Variants in PRTG observed in about 807,000 individuals in gnomAD.
The protein encoded by PRTG is immunoglobulin superfamily, DCC subclass, member 5.
Under a neutral mutation model 122.5 loss-of-function variants are expected in PRTG, and 67 were observed. The observed-to-expected ratio is 0.55, with a 90% confidence interval of 0.45 to 0.67. The LOEUF is 0.67. Ranked by LOEUF, PRTG falls within the 30% of genes least tolerant of loss-of-function variation. The pLI is 0.00. For missense variants in PRTG, 1,435 were observed against 1,415.4 expected (o/e 1.01, Z -0.22); for synonymous variants, 554 against 501.1 (o/e 1.11, Z -1.41).
chr15:55,648,812 G>A (rs1471442788), intron 11 of PRTG, among the ~76,000 whole-genome samples: 1 of 152,072 alleles, frequency 6.6e-6, no homozygotes, highest in Non-Finnish European at 1.5e-5. Flanking sequence ...AAAAACCTCT[G>A]TATTGGCCGG....
At chr15:55,702,568 T>A (rs1478808589) in intron 2 of PRTG, among the ~76,000 whole-genome samples, 1 of 152,180 alleles carries the variant, frequency 6.6e-6, no homozygotes, top group African/African-American at 2.4e-5. Context: ...ATGCTGAAAC[T>A]AAGTTTAAAT....
Position 55,620,739 on chromosome 15 carries a change from T to C in PRTG, c.3122A>G (p.Tyr1041Cys), listed in dbSNP as rs202148948. ...AGAGTTGTTTTTAATTATAGGACCA[T>C]AGCTATTAATTATCAGGTCAGTTCC... ...KGGTDLIINS[Y>C]GPIIKNNSKK... Residue 1041 changes from tyrosine (Y) to cysteine (C), a missense_variant, in exon 19 of 20, where the codon TAT becomes TGT. Transcript: ENST00000389286. 5.6e-6 allele frequency: 9 copies of C among 1,596,344 alleles called. No individual in the cohort carries two copies. The highest frequency in any genetic ancestry group is 3.5e-5 in the South Asian group (3 of 86,628).
chr15:55,619,801 G>T lies in PRTG; in HGVS notation c.*211C>A. ...TATTAAGATTTTCACAAAAGGCTTT[G>T]GTTCCCTGTTCATTGTCCTTCGAAC... On this transcript the variant is annotated 3_prime_UTR_variant, in exon 20 of 20. Coordinates refer to ENST00000389286, the MANE Select transcript of PRTG (RefSeq NM_173814.6). 1.4e-6 allele frequency: 1 copy of T among 699,700 alleles called. No homozygotes were observed. The highest frequency in any genetic ancestry group is 2.8e-5 in the South Asian group (1 of 35,584). The allele number at this position is 699,700 out of a possible 1,614,324, so 43.3% of individuals were successfully genotyped here.
intron 2 of PRTG, among the ~76,000 whole-genome samples, chr15:55,703,842 G>C (rs1255510580): frequency 3.3e-5 from 5 of 152,128 alleles, no homozygotes; most frequent in Non-Finnish European, 5.9e-5. Flanking sequence ...AGTAAAATCT[G>C]ATCTCACTTT....
At chr15:55,676,528 T>G (rs1224495639) in intron 8 of PRTG, among the ~76,000 whole-genome samples, 1 of 152,198 alleles carries the variant, frequency 6.6e-6, no homozygotes, top group African/African-American at 2.4e-5. Context: ...AATTCCAGTA[T>G]TAAGTTTTCC....
intron 2 of PRTG, among the ~76,000 whole-genome samples, chr15:55,713,975 T>C (rs1328851747): frequency 6.6e-6 from 1 of 152,194 alleles, no homozygotes; most frequent in African/African-American, 2.4e-5. Flanking sequence ...TTTTAAAATC[T>C]TTCCCAATCC....
chr15:55,710,041 C>G (rs561768608), intron 2 of PRTG, among the ~76,000 whole-genome samples: 1 of 152,046 alleles, frequency 6.6e-6, no homozygotes, highest in Non-Finnish European at 1.5e-5. Context: ...AAAAACCCGG[C>G]ATATGTGGGC....
At chr15:55,687,694 G>T (rs1595652008) in intron 2 of PRTG, among the ~76,000 whole-genome samples, 1 of 152,116 alleles carries the variant, frequency 6.6e-6, no homozygotes, top group East Asian at 1.9e-4. Context: ...TTTCAGAAAG[G>T]TTTGAACCCA....
At position 55,709,222 on chromosome 15, in the gene PRTG, A is replaced by ATTTC. The variant is rs869203626; in HGVS notation, c.398-25295_398-25292dup. 5.7e-3 allele frequency among the ~76,000 whole-genome samples: 664 copies of ATTTC among 117,466 alleles called. 7 individuals carry two copies. Among genetic ancestry groups the ATTTC allele is most frequent in the African/African-American group, 0.018 (629 of 34,344 alleles). The allele number at this position is 117,466 out of a possible 152,430, so 77.1% of individuals were successfully genotyped here. A position where few individuals can be genotyped will look rare whatever the true frequency, so the allele number is the denominator to read the frequency against. On this transcript the variant is annotated intron_variant, in intron 2 of 19. Coordinates refer to ENST00000389286, the MANE Select transcript of PRTG (RefSeq NM_173814.6). ...CCTATGGGACCCTTTAGATAGTTTAATTTCTTTATGGCCGTAATTATGAGT... is the reference window on the plus strand; with the variant it reads ...CCTATGGGACCCTTTAGATAGTTTAATTTCTTTCTTTATGGCCGTAATTATGAGT...
chr15:55,647,569 G>A (rs916700901), intron 11 of PRTG, among the ~76,000 whole-genome samples: 7 of 152,180 alleles, frequency 4.6e-5, no homozygotes, highest in Admixed American at 1.3e-4. Context: ...GTAACAGGAC[G>A]TCTCTGATAG....
intron 2 of PRTG, among the ~76,000 whole-genome samples, chr15:55,697,637 G>A (rs959192343): frequency 2.6e-5 from 4 of 151,984 alleles, no homozygotes; most frequent in Non-Finnish European, 5.9e-5. Flanking sequence ...GATTACAGGC[G>A]CACTACACCA....
chr15:55,644,924 A>T (rs551876811), intron 11 of PRTG, among the ~76,000 whole-genome samples: 1 of 152,332 alleles, frequency 6.6e-6, no homozygotes, highest in South Asian at 2.1e-4. Context: ...TGTCCTGTGA[A>T]CCATTTTTAA....
intron 2 of PRTG, among the ~76,000 whole-genome samples, chr15:55,687,696 T>C (rs1438929879): frequency 6.6e-6 from 1 of 152,216 alleles, no homozygotes. Context: ...TCAGAAAGGT[T>C]TGAACCCAAG....
At chr15:55,687,633 TAA>T (rs1204507169) in intron 2 of PRTG, among the ~76,000 whole-genome samples, 1 of 152,208 alleles carries the variant, frequency 6.6e-6, no homozygotes, top group Non-Finnish European at 1.5e-5. Flanking sequence ...TCTGGAGTCA[TAA>T]AATTCTGAAA....
intron 11 of PRTG, among the ~76,000 whole-genome samples, chr15:55,661,985 A>G (rs1414709744): frequency 1.3e-5 from 2 of 152,164 alleles, no homozygotes; most frequent in Non-Finnish European, 2.9e-5. Flanking sequence ...AGAGCCCTCC[A>G]TGTTTTAGAG....
chr15:55,638,247 A>G (rs1457441197), intron 14 of PRTG, among the ~76,000 whole-genome samples: 5 of 152,186 alleles, frequency 3.3e-5, no homozygotes, highest in Admixed American at 3.3e-4. Flanking sequence ...TTATTCACTT[A>G]CCGCCATTTA....
At position 55,669,898 on chromosome 15, in the gene PRTG, T is replaced by C. The variant is rs372999432; in HGVS notation, c.2041+2547A>G. 4.3e-4 allele frequency among the ~76,000 whole-genome samples: 66 copies of C among 152,302 alleles called. No homozygotes were observed. The South Asian group carries it at 8.9e-3, about 21-fold the overall frequency. On this transcript the variant is annotated intron_variant, in intron 11 of 19. Coordinates refer to ENST00000389286, the MANE Select transcript of PRTG (RefSeq NM_173814.6). Reference sequence around the variant, plus strand: ...CAGCTATTTTAATAGACATAGTATATTGACAAAATAATTTTCCAGTTTATG... The same window carrying C: ...CAGCTATTTTAATAGACATAGTATACTGACAAAATAATTTTCCAGTTTATG...
intron 15 of PRTG, among the ~76,000 whole-genome samples, chr15:55,635,603 T>C (rs534218178): frequency 6.6e-6 from 1 of 152,324 alleles, no homozygotes; most frequent in East Asian, 1.9e-4. Flanking sequence ...TGCTGCCAAA[T>C]ACTTAGTACT....
chr15:55,689,191 CCATT>C (rs1246725275), intron 2 of PRTG, among the ~76,000 whole-genome samples: 6 of 152,182 alleles, frequency 3.9e-5, no homozygotes, highest in Non-Finnish European at 5.9e-5. Flanking sequence ...TTTCATCTAT[CCATT>C]CAAAGGCTTC....
Sources: gnomAD v4.1 joint callset for allele counts (sites outside exome capture counted in the v4.1 genomes callset) on GRCh38, gnomAD v4.1.1 for gene constraint, MANE v1.5 for transcripts, NCBI Gene and HGNC (gene_info 2026-07-23, HGNC 2026-07-21) for gene names.